Variants in LRRC4C observed in about 807,000 individuals in gnomAD.
The protein encoded by LRRC4C is leucine rich repeat containing 4C.
Under a neutral mutation model 33.6 loss-of-function variants are expected in LRRC4C, and 5 were observed. The observed-to-expected ratio is 0.15, with a 90% CI of 0.08 to 0.31. LRRC4C has a LOEUF of 0.31. Ranked by LOEUF, LRRC4C falls within the 10% of genes least tolerant of loss-of-function variation. LRRC4C has a pLI of 1.00. For synonymous variants in LRRC4C, 329 were observed against 302.0 expected (o/e 1.09, Z -0.93); for missense variants, 560 against 796.7 (o/e 0.70, Z 3.58).
At chr11:40,984,393 AAGAAAG>A (rs1852816749) in intron 1 of LRRC4C, among the ~76,000 whole-genome samples, 1 of 88,166 alleles carries the variant, frequency 1.1e-5, no homozygotes, top group Admixed American at 1.1e-4. Flanking sequence ...GAAAGAAAGA[AAGAAAG>A]AAAGAAAGAA....
intron 2 of LRRC4C, among the ~76,000 whole-genome samples, chr11:40,699,387 C>T (rs1945751508): frequency 6.6e-6 from 1 of 152,142 alleles, no homozygotes; most frequent in Non-Finnish European, 1.5e-5. Context: ...AGAAAGCCTA[C>T]TATTTTTTAA....
intron 1 of LRRC4C, among the ~76,000 whole-genome samples, chr11:41,006,085 CAT>C (rs1854733839): frequency 1.3e-5 from 2 of 152,088 alleles, no homozygotes; most frequent in South Asian, 2.1e-4. Flanking sequence ...GAATTTTCAA[CAT>C]ATGTTTCACA....
intron 1 of LRRC4C, among the ~76,000 whole-genome samples, chr11:41,272,649 G>A (rs1320296762): frequency 6.6e-6 from 1 of 151,884 alleles, no homozygotes; most frequent in African/African-American, 2.4e-5. Flanking sequence ...GCTTAATACC[G>A]AAGCGATGTT....
At chr11:40,134,285 T>C (rs370847262) in intron 6 of LRRC4C, among the ~76,000 whole-genome samples, 15 of 151,944 alleles carry the variant, frequency 9.9e-5, no homozygotes, top group African/African-American at 3.6e-4. Flanking sequence ...CAGGCACAAG[T>C]TGGGTAGGGA....
chr11:40,980,578 A>T (rs1435623280), intron 1 of LRRC4C, among the ~76,000 whole-genome samples: 1 of 152,218 alleles, frequency 6.6e-6, no homozygotes, highest in Non-Finnish European at 1.5e-5. Flanking sequence ...ACAAAAAAAA[A>T]GTCTAAGCAA....
chr11:40,830,653 G>T (rs550045978), intron 2 of LRRC4C, among the ~76,000 whole-genome samples: 1 of 152,200 alleles, frequency 6.6e-6, no homozygotes, highest in South Asian at 2.1e-4. Flanking sequence ...ACTGGAGAGG[G>T]TTGTGAGTTG....
chr11:40,144,740 G>A lies in LRRC4C; in HGVS notation c.-95-3887C>T, dbSNP rs374759405. Reference sequence around the variant, plus strand: ...TAAGAAAGTTAAATAATGTGATTAAGGTTTAATAAAAGCCCTAATATGTGA... The same window carrying A: ...TAAGAAAGTTAAATAATGTGATTAAAGTTTAATAAAAGCCCTAATATGTGA... On this transcript the variant is annotated intron_variant, in intron 5 of 6. Coordinates refer to ENST00000528697, the MANE Select transcript of LRRC4C (RefSeq NM_001258419.2). 2.3e-4 allele frequency among the ~76,000 whole-genome samples: 35 copies of A among 152,252 alleles called. 2 individuals are homozygous for A. Among genetic ancestry groups the A allele is most frequent in the African/African-American group, 8.2e-4 (34 of 41,554 alleles).
intron 2 of LRRC4C, among the ~76,000 whole-genome samples, chr11:40,689,692 T>C (rs1015538193): frequency 6.6e-6 from 1 of 152,080 alleles, no homozygotes; most frequent in African/African-American, 2.4e-5. Context: ...ACAGCTAAGG[T>C]TAGTTTGACT....
intron 1 of LRRC4C, among the ~76,000 whole-genome samples, chr11:41,295,188 C>G (rs1950103549): frequency 1.3e-5 from 2 of 151,970 alleles, no homozygotes; most frequent in African/African-American, 4.8e-5. Flanking sequence ...AAAATAAGAG[C>G]ACTGTTAAAA....
At chr11:41,130,175 T>C (rs1436940845) in intron 1 of LRRC4C, among the ~76,000 whole-genome samples, 1 of 151,958 alleles carries the variant, frequency 6.6e-6, no homozygotes, top group Non-Finnish European at 1.5e-5. Flanking sequence ...TTATTGTCAC[T>C]TTCATCTGTA....
At chr11:41,368,877 G>A (rs1056343340) in intron 1 of LRRC4C, among the ~76,000 whole-genome samples, 2 of 152,142 alleles carry the variant, frequency 1.3e-5, no homozygotes, top group South Asian at 2.1e-4. Flanking sequence ...TCCATTGTAA[G>A]AACCCATTTG....
At chr11:40,600,680 T>A in intron 3 of LRRC4C, among the ~76,000 whole-genome samples, 1 of 152,162 alleles carries the variant, frequency 6.6e-6, no homozygotes, top group East Asian at 1.9e-4. Flanking sequence ...AAATAAGAGA[T>A]AATCTATTTG....
rs758249130 is a variant in LRRC4C at position 40,813,029 on chromosome 11, T to C, written c.-407+120606A>G. On this transcript the variant is annotated intron_variant, in intron 2 of 6. Transcript: ENST00000528697. The stretch of plus-strand genomic sequence containing the variant: ...ATTTGAATTTTAAAGTTCTATAAAA[T>C]TCCCCAATTTTCTTAAGATCTCTGA... Among the ~76,000 whole-genome samples, 3 of 152,190 alleles carry C rather than the reference T, an allele frequency of 2.0e-5. 1 individual carries two copies. The highest frequency in any genetic ancestry group is 7.2e-5 in the African/African-American group (3 of 41,464).
At chr11:41,072,358 T>C (rs1938761657) in intron 1 of LRRC4C, among the ~76,000 whole-genome samples, 1 of 39,472 alleles carries the variant, frequency 2.5e-5, no homozygotes, top group African/African-American at 8.2e-5. Context: ...AGTAATAAAG[T>C]ATTTTAAAAT....
intron 3 of LRRC4C, among the ~76,000 whole-genome samples, chr11:40,344,142 C>T (rs1041194848): frequency 6.6e-6 from 1 of 152,078 alleles, no homozygotes; most frequent in Non-Finnish European, 1.5e-5. Flanking sequence ...TCCTTCCTAA[C>T]TCATTCTATG....
intron 2 of LRRC4C, among the ~76,000 whole-genome samples, chr11:40,694,049 T>C (rs1945361818): frequency 6.6e-6 from 1 of 152,126 alleles, no homozygotes. Flanking sequence ...ACCTGGGAGA[T>C]GAAAGGCAAA....
At chr11:40,620,060 A>G (rs1356314431) in intron 3 of LRRC4C, among the ~76,000 whole-genome samples, 16 of 42,958 alleles carry the variant, frequency 3.7e-4, no homozygotes, top group East Asian at 2.8e-3. Flanking sequence ...AAATACCTGA[A>G]AAAAAAAAAA....
At chr11:40,761,906 G>T (rs4611193) in intron 2 of LRRC4C, among the ~76,000 whole-genome samples, 117,430 of 151,928 alleles carry the variant, frequency 0.77, 45,515 homozygotes, top group Middle Eastern at 0.85. Flanking sequence ...AGGAGAAGGC[G>T]CTCAGAGACA....
At chr11:41,377,436 A>C (rs1952977951) in intron 1 of LRRC4C, among the ~76,000 whole-genome samples, 1 of 152,202 alleles carries the variant, frequency 6.6e-6, no homozygotes. Context: ...TTCTTTGCTT[A>C]GATTAGCAGT....
Sources: allele counts gnomAD v4.1 joint callset (sites outside exome capture counted in the v4.1 genomes callset), GRCh38; gene constraint gnomAD v4.1.1; transcripts MANE v1.5; gene names NCBI Gene and HGNC (gene_info 2026-07-23, HGNC 2026-07-21).